Variants in SLC39A10 observed in about 807,000 individuals in gnomAD.
The protein encoded by SLC39A10 is solute carrier family 39 member 10, also known as zinc transporter ZIP10.
In SLC39A10, 13 loss-of-function variants were observed where a neutral mutation model predicts 65.1. The ratio of observed to expected loss-of-function variants is 0.20; its 90% confidence interval spans 0.13 to 0.32. SLC39A10 has a LOEUF of 0.32. Among genes scored for constraint, SLC39A10 ranks in the 10% least tolerant of loss-of-function variants. The pLI is 1.00. For synonymous variants in SLC39A10, 321 were observed against 342.2 expected (o/e 0.94, Z 0.68); for missense variants, 831 against 1,018.4 (o/e 0.82, Z 2.50).
At chr2:195,700,641 T>A (rs951540549) in intron 3 of SLC39A10, among the ~76,000 whole-genome samples, 1 of 152,232 alleles carries the variant, frequency 6.6e-6, no homozygotes, top group Non-Finnish European at 1.5e-5. Context: ...TACTTGGGAA[T>A]GTCTTAGTTT....
intron 1 of SLC39A10, among the ~76,000 whole-genome samples, chr2:195,660,654 C>G (rs914699745): frequency 6.6e-6 from 1 of 152,070 alleles, no homozygotes; most frequent in African/African-American, 2.4e-5. Flanking sequence ...GCTTTTAGCC[C>G]CCAGTTTTCC....
intron 2 of SLC39A10, among the ~76,000 whole-genome samples, chr2:195,622,198 TC>T (rs1688362073): frequency 6.6e-6 from 1 of 152,014 alleles, no homozygotes; most frequent in Non-Finnish European, 1.5e-5. Flanking sequence ...AAACCCTGTC[TC>T]TACAAAAAAT....
chr2:195,620,414 G>C (rs1688325565), intron 2 of SLC39A10, among the ~76,000 whole-genome samples: 1 of 152,186 alleles, frequency 6.6e-6, no homozygotes, highest in African/African-American at 2.4e-5. Context: ...CCAGAGTTCA[G>C]AGAAAGAGAG....
chr2:195,633,558 C>T lies in SLC39A10; in HGVS notation c.-12+27325C>T, dbSNP rs74688406. ...TCTAGTGTGACAGCCTGCTGTATCC[C>T]GAGCTCTTGTCCAGCATCCAGGAAA... On this transcript the variant is annotated intron_variant, in intron 2 of 2. Coordinates refer to the SLC39A10 transcript ENST00000458054. 0.018 allele frequency among the ~76,000 whole-genome samples: 2,815 copies of T among 152,236 alleles called. 238 individuals are homozygous for T. In the East Asian group the frequency reaches 0.26, roughly 14 times the overall value.
intron 2 of SLC39A10, among the ~76,000 whole-genome samples, chr2:195,624,209 A>C (rs1688412023): frequency 6.6e-6 from 1 of 151,822 alleles, no homozygotes; most frequent in Non-Finnish European, 1.5e-5. Context: ...AACATGGAGA[A>C]ACCCCACCTC....
At position 195,682,715 on chromosome 2, in the gene SLC39A10, C is replaced by G. The variant is rs145890710; in HGVS notation, c.1009-984C>G. Among the ~76,000 whole-genome samples the G allele has an allele frequency of 4.6e-5, 7 of 152,076 alleles. No individual in the cohort carries two copies. In the East Asian group the frequency reaches 1.4e-3, roughly 29 times the overall value. ...GTTTGCATTATTAGACTTGTTAATG[C>G]TATTCTGATAGGTCTGATGTATACT... On this transcript the variant is annotated intron_variant, in intron 2 of 9. Coordinates refer to ENST00000359634, the MANE Select transcript of SLC39A10 (RefSeq NM_020342.3).
chr2:195,669,061 T>C (rs952128787), intron 1 of SLC39A10, among the ~76,000 whole-genome samples: 3 of 141,348 alleles, frequency 2.1e-5, no homozygotes, highest in African/African-American at 7.9e-5. Context: ...GGCAACAGGG[T>C]GACTCCCTCT....
At chr2:195,726,959 G>A (rs982155709) in intron 8 of SLC39A10, among the ~76,000 whole-genome samples, 1 of 152,044 alleles carries the variant, frequency 6.6e-6, no homozygotes, top group Non-Finnish European at 1.5e-5. Flanking sequence ...AAGCTAATGG[G>A]TTTTTTTCTT....
chr2:195,616,964 TTGTG>T (rs2105681991), intron 2 of SLC39A10, among the ~76,000 whole-genome samples: 1 of 152,316 alleles, frequency 6.6e-6, no homozygotes, highest in East Asian at 1.9e-4. Context: ...TGTTTTGTTG[TTGTG>T]TTGTTAGTTG....
At chr2:195,711,724 C>T (rs1007171602) in intron 5 of SLC39A10, among the ~76,000 whole-genome samples, 1 of 152,158 alleles carries the variant, frequency 6.6e-6, no homozygotes, top group African/African-American at 2.4e-5. Context: ...AGTTGGGGAC[C>T]TTGAGGGTAA....
At chr2:195,618,295 G>T (rs1489159867) in intron 2 of SLC39A10, among the ~76,000 whole-genome samples, 1 of 150,532 alleles carries the variant, frequency 6.6e-6, no homozygotes, top group East Asian at 2.0e-4. Context: ...AGGTTGCAGT[G>T]AGCTGAGATC....
chr2:195,728,760 T>A lies in SLC39A10; in HGVS notation c.2337+411T>A, dbSNP rs906705277. ...GGAAGTGGTATATATTCCATAGGAT[T>A]TATGTAATTTCTCTTATTTCTAAAT... On this transcript the variant is annotated intron_variant, in intron 9 of 9. Transcript: ENST00000359634. This position sits in a 1 kb window ranked among gnomAD's most constrained non-coding sequence, Gnocchi z 4.4. 1.2e-4 allele frequency among the ~76,000 whole-genome samples: 18 copies of A among 152,152 alleles called. No homozygotes were observed. Among genetic ancestry groups the A allele is most frequent in the Admixed American group, 3.3e-4 (5 of 15,276 alleles).
chr2:195,699,630 G>T (rs1691100842), intron 3 of SLC39A10, among the ~76,000 whole-genome samples: 1 of 151,886 alleles, frequency 6.6e-6, no homozygotes. Context: ...ATTCCATTAT[G>T]GTAGGAGAAG....
chr2:195,727,646 C>G (rs1692292818), intron 8 of SLC39A10, among the ~76,000 whole-genome samples: 1 of 152,086 alleles, frequency 6.6e-6, no homozygotes, highest in Non-Finnish European at 1.5e-5. Context: ...GCAGGGAGGT[C>G]TTGATTGTTG....
chr2:195,710,699 A>G (rs1472702724), intron 5 of SLC39A10, among the ~76,000 whole-genome samples: 1 of 152,236 alleles, frequency 6.6e-6, no homozygotes, highest in Non-Finnish European at 1.5e-5. Flanking sequence ...TCAGGACATC[A>G]TCACATTTGT....
chr2:195,716,547 G>T, intron 6 of SLC39A10, 90 bp from the exon 7 acceptor site: 1 of 1,057,608 alleles, frequency 9.5e-7, no homozygotes, highest in South Asian at 2.0e-5. Flanking sequence ...ATTCACTTAA[G>T]AAATGTTCAT....
chr2:195,663,305 G>A (rs1332999250), intron 1 of SLC39A10, among the ~76,000 whole-genome samples: 1 of 151,876 alleles, frequency 6.6e-6, no homozygotes, highest in African/African-American at 2.4e-5. Flanking sequence ...TATTAACTCA[G>A]TGCACTTCTA....
intron 9 of SLC39A10, among the ~76,000 whole-genome samples, chr2:195,734,399 G>C (rs1040940427): frequency 2.0e-5 from 3 of 152,088 alleles, no homozygotes; most frequent in African/African-American, 4.8e-5. Context: ...CTGACCCCAT[G>C]ATCCGCCCAC....
At chr2:195,733,047 T>TA (rs1371820951) in intron 9 of SLC39A10, among the ~76,000 whole-genome samples, 1 of 152,200 alleles carries the variant, frequency 6.6e-6, no homozygotes, top group African/African-American at 2.4e-5. Flanking sequence ...ATATGACCTT[T>TA]AAGAGATTGC....
Sources: gnomAD v4.1 joint callset for allele counts (sites outside exome capture counted in the v4.1 genomes callset) on GRCh38, gnomAD v4.1.1 for gene constraint, Gnocchi (gnomAD v3.1) non-coding constraint, MANE v1.5 for transcripts, NCBI Gene and HGNC (gene_info 2026-07-23, HGNC 2026-07-21) for gene names.